The following UBE2E2 variants were observed in gnomAD, a reference collection of about 807,000 sequenced individuals.
UBE2E2 encodes ubiquitin-conjugating enzyme E2 E2.
In UBE2E2, 6 loss-of-function variants were observed where a neutral mutation model predicts 24.7. The ratio of observed to expected loss-of-function variants is 0.24; its 90% CI spans 0.13 to 0.48. The LOEUF (loss-of-function observed/expected upper bound fraction) is 0.48, where lower values mean the gene tolerates loss of function less well. Among genes scored for constraint, UBE2E2 ranks in the 20% least tolerant of loss-of-function variants. The pLI, the probability that UBE2E2 is intolerant of heterozygous loss-of-function variation, is 0.99. For synonymous variants in UBE2E2, 104 were observed against 83.6 expected (o/e 1.24, Z -1.33); for missense variants, 169 against 245.0 (o/e 0.69, Z 2.07).
intron 3 of UBE2E2, among the ~76,000 whole-genome samples, chr3:23,322,815 TA>T (rs1694781293): frequency 6.6e-6 from 1 of 152,010 alleles, no homozygotes; most frequent in Non-Finnish European, 1.5e-5. Context: ...ATTTTCTCTA[TA>T]ATTTAATATT....
intron 3 of UBE2E2, among the ~76,000 whole-genome samples, chr3:23,476,822 T>C: frequency 6.6e-6 from 1 of 152,204 alleles, no homozygotes; most frequent in East Asian, 1.9e-4. Context: ...TGTCACGAGT[T>C]ACTGCTTCCA....
At position 23,316,084 on chromosome 3, in the gene UBE2E2, G is replaced by A. The variant is rs145988122; in HGVS notation, c.227+98772G>A. On this transcript the variant is annotated intron_variant, in intron 3 of 5. Coordinates refer to ENST00000396703, the MANE Select transcript of UBE2E2 (RefSeq NM_152653.4). ...GCACTGGCTCAGACCTAAAGCCAGC[G>A]CAGCACTGAGTCTTATCCAGGGTCC... is the stretch of plus-strand genomic sequence containing the variant. Among the ~76,000 whole-genome samples, 236 of 152,178 alleles carry A rather than the reference G, an allele frequency of 1.6e-3. 2 individuals are homozygous for A. The highest frequency in any genetic ancestry group is 2.7e-3 in the South Asian group (13 of 4,810).
At chr3:23,226,120 C>T (rs1696818804) in intron 3 of UBE2E2, among the ~76,000 whole-genome samples, 1 of 152,228 alleles carries the variant, frequency 6.6e-6, no homozygotes, top group African/African-American at 2.4e-5. Flanking sequence ...CCCAAGTGAT[C>T]TGCCCTCCTT....
chr3:23,534,149 T>TTTTGG, intron 5 of UBE2E2: 3 of 836,456 alleles, frequency 3.6e-6, no homozygotes, highest in Non-Finnish European at 4.2e-6. Flanking sequence ...TTTTTTTTTT[T>TTTTGG]GAGGTGATTT....
At chr3:23,408,254 T>A (rs1388535282) in intron 3 of UBE2E2, among the ~76,000 whole-genome samples, 1 of 152,194 alleles carries the variant, frequency 6.6e-6, no homozygotes, top group Non-Finnish European at 1.5e-5. Flanking sequence ...TCTCTTACAG[T>A]GTCTGTAAAG....
rs1696111385 is a variant in UBE2E2, at chr3:23,567,754, G to T, written c.509-21980G>T. Among the ~76,000 whole-genome samples the T allele has an allele frequency of 2.0e-5, 3 of 152,132 alleles. No homozygotes were observed. In the South Asian group the frequency reaches 6.2e-4, roughly 32 times the overall value. On this transcript the variant is annotated intron_variant, in intron 5 of 5. Coordinates refer to ENST00000396703, the MANE Select transcript of UBE2E2 (RefSeq NM_152653.4). Reference sequence around the variant, plus strand: ...ACAAACTAAGTCATCTTGACCAATAGGTTGAACTGTACATGAATCCATATA... The same window carrying T: ...ACAAACTAAGTCATCTTGACCAATATGTTGAACTGTACATGAATCCATATA...
At chr3:23,320,359 T>C (rs1272236697) in intron 3 of UBE2E2, among the ~76,000 whole-genome samples, 1 of 152,266 alleles carries the variant, frequency 6.6e-6, no homozygotes, top group East Asian at 1.9e-4. Context: ...TAGGCTTGAA[T>C]AGCCTTTTTC....
intron 3 of UBE2E2, among the ~76,000 whole-genome samples, chr3:23,464,212 G>A (rs1415174439): frequency 1.3e-5 from 2 of 151,960 alleles, no homozygotes; most frequent in African/African-American, 2.4e-5. Flanking sequence ...AGTATTTTAC[G>A]GTAGATTGGC....
Position 23,223,022 on chromosome 3 carries a change from C to A in UBE2E2, c.227+5710C>A, listed in dbSNP as rs560445696. On this transcript the variant is annotated intron_variant, in intron 3 of 5. Coordinates refer to ENST00000396703, the MANE Select transcript of UBE2E2 (RefSeq NM_152653.4). ...GTCTGTTTACATCTTTTGCCCCCCC[C>A]CCCTTTTTTTTTTTTTTTGAGTTGT... Among the ~76,000 whole-genome samples, 136 of 105,814 alleles carry A rather than the reference C, an allele frequency of 1.3e-3. 2 individuals carry two copies. The Middle Eastern group carries it at 0.013, about 10-fold the overall frequency. 69.4% of individuals were successfully genotyped at this position (105,814 alleles called of 152,430 possible).
intron 3 of UBE2E2, among the ~76,000 whole-genome samples, chr3:23,346,853 C>T (rs1189436789): frequency 2.6e-5 from 4 of 152,158 alleles, no homozygotes; most frequent in South Asian, 4.1e-4. Context: ...ATTCACCTTG[C>T]TTTCTGAAGG....
intron 3 of UBE2E2, among the ~76,000 whole-genome samples, chr3:23,394,956 T>C (rs2125364694): frequency 6.6e-6 from 1 of 152,246 alleles, no homozygotes; most frequent in South Asian, 2.1e-4. Context: ...GTCCTCTGTG[T>C]GGACCCTAGG....
chr3:23,359,872 T>C (rs745560988), intron 3 of UBE2E2, among the ~76,000 whole-genome samples: 1 of 152,138 alleles, frequency 6.6e-6, no homozygotes, highest in Non-Finnish European at 1.5e-5. Context: ...GAATGAAATA[T>C]GAACTAGCTT....
chr3:23,461,589 C>T (rs1453033722), intron 3 of UBE2E2, among the ~76,000 whole-genome samples: 2 of 151,776 alleles, frequency 1.3e-5, no homozygotes, highest in Non-Finnish European at 2.9e-5. Flanking sequence ...TTTCTATTTA[C>T]CATTAGTATG....
chr3:23,269,091 A>G (rs1698155067), intron 3 of UBE2E2, among the ~76,000 whole-genome samples: 1 of 152,094 alleles, frequency 6.6e-6, no homozygotes, highest in Admixed American at 6.5e-5. Flanking sequence ...ACCTAAAACC[A>G]TAAAAACCCT....
intron 3 of UBE2E2, among the ~76,000 whole-genome samples, chr3:23,331,424 A>G (rs1205325205): frequency 6.6e-6 from 1 of 152,048 alleles, no homozygotes; most frequent in East Asian, 1.9e-4. Context: ...AAACTATATC[A>G]TATGTCAAAA....
intron 5 of UBE2E2, among the ~76,000 whole-genome samples, chr3:23,577,951 A>G (rs151034330): frequency 1.6e-3 from 244 of 151,286 alleles, no homozygotes; most frequent in African/African-American, 5.7e-3. Flanking sequence ...ATGACAGCAC[A>G]TCTTTTTTAA....
At chr3:23,553,918 A>G (rs888030682) in intron 5 of UBE2E2, among the ~76,000 whole-genome samples, 3 of 152,172 alleles carry the variant, frequency 2.0e-5, no homozygotes, top group African/African-American at 4.8e-5. Flanking sequence ...ATAGAAAGAT[A>G]TTTCATGCTC....
chr3:23,286,537 G>A (rs1006641261), intron 3 of UBE2E2, among the ~76,000 whole-genome samples: 1 of 152,112 alleles, frequency 6.6e-6, no homozygotes, highest in African/African-American at 2.4e-5. Flanking sequence ...GTTCAATGGT[G>A]TTTTGGTTAC....
intron 3 of UBE2E2, among the ~76,000 whole-genome samples, chr3:23,343,225 G>A (rs1575573448): frequency 6.6e-6 from 1 of 151,766 alleles, no homozygotes; most frequent in East Asian, 1.9e-4. Flanking sequence ...TTAGGACTTA[G>A]TCTAAAATGG....
Sources: gnomAD v4.1 joint callset for allele counts (sites outside exome capture counted in the v4.1 genomes callset) on GRCh38, gnomAD v4.1.1 for gene constraint, MANE v1.5 for transcripts, NCBI Gene and HGNC (gene_info 2026-07-23, HGNC 2026-07-21) for gene names.